FBXO36: variants seen among roughly 807,000 people sequenced by gnomAD.
The protein encoded by FBXO36 is F-box protein 36, also known as F-box only protein 36.
A neutral mutation model predicts 17.0 loss-of-function variants in FBXO36; 18 were observed. The observed-to-expected ratio is 1.06, with a 90% CI of 0.73 to 1.57. The LOEUF (loss-of-function observed/expected upper bound fraction) is 1.57, where lower values mean the gene tolerates loss of function less well. FBXO36 is among the 40% of genes most tolerant of loss of function. FBXO36 has a pLI of 0.00. For synonymous variants in FBXO36, 83 were observed against 85.3 expected (o/e 0.97, Z 0.15); for missense variants, 229 against 221.9 (o/e 1.03, Z -0.20).
intron 2 of FBXO36, among the ~76,000 whole-genome samples, chr2:229,981,884 T>C (rs2077242339): frequency 6.6e-6 from 1 of 152,150 alleles, no homozygotes; most frequent in African/African-American, 2.4e-5. Flanking sequence ...ACAGAAAGCA[T>C]AGCAGCTTGT....
chr2:230,002,420 G>A (rs1005980575), intron 3 of FBXO36, among the ~76,000 whole-genome samples: 7 of 140,600 alleles, frequency 5.0e-5, no homozygotes, highest in Admixed American at 3.7e-4. Context: ...GTCTTGCTTT[G>A]TTACACAGTC....
At chr2:229,994,763 G>A (rs1216271722) in intron 2 of FBXO36, among the ~76,000 whole-genome samples, 1 of 152,126 alleles carries the variant, frequency 6.6e-6, no homozygotes, top group Non-Finnish European at 1.5e-5. Flanking sequence ...CCCCAGTTTT[G>A]GGGCCCCTGT....
rs186719754 is a variant in FBXO36, at chr2:229,993,910, C to T, written c.206-2841C>T. ...AGCTGGGACTACAGGCGCCCACCAC[C>T]ACGCCCGGCTAATTTTTTTTTTTTC... On this transcript the variant is annotated intron_variant, in intron 2 of 3. Transcript: ENST00000283946. Among the ~76,000 whole-genome samples the T allele has an allele frequency of 1.2e-3, 187 of 152,030 alleles. 3 individuals carry two copies. In the East Asian group the frequency reaches 0.019, roughly 15 times the overall value.
chr2:229,969,751 C>T (rs1218278142), intron 1 of FBXO36, among the ~76,000 whole-genome samples: 6 of 152,074 alleles, frequency 3.9e-5, no homozygotes, highest in African/African-American at 1.4e-4. Flanking sequence ...AAAACTTTTG[C>T]TCTGTGAAGA....
At chr2:229,981,403 G>A (rs1161639832) in intron 2 of FBXO36, among the ~76,000 whole-genome samples, 2 of 151,230 alleles carry the variant, frequency 1.3e-5, no homozygotes, top group Non-Finnish European at 2.9e-5. Context: ...TTTTGAGACA[G>A]GATCTCACTC....
At chr2:229,950,569 T>G (rs1337597658) in intron 1 of FBXO36, among the ~76,000 whole-genome samples, 4 of 152,152 alleles carry the variant, frequency 2.6e-5, no homozygotes, top group Non-Finnish European at 5.9e-5. Flanking sequence ...TACAACAAAT[T>G]TTATCATAGA....
chr2:229,963,817 A>G (rs1405600745), intron 1 of FBXO36, among the ~76,000 whole-genome samples: 1 of 152,232 alleles, frequency 6.6e-6, no homozygotes, highest in Non-Finnish European at 1.5e-5. Flanking sequence ...GCTGAGTCAC[A>G]GGATGAAAGC....
chr2:229,925,681 C>A (rs989933797), intron 1 of FBXO36, among the ~76,000 whole-genome samples: 4 of 152,096 alleles, frequency 2.6e-5, no homozygotes, highest in Non-Finnish European at 4.4e-5. Context: ...CAAATAACTG[C>A]ACATTTGACA....
In FBXO36 at chr2:230,011,161, A is replaced by G. The variant is rs1488352167; in HGVS notation, c.*277A>G. 1 of 300,430 alleles carries G rather than the reference A, an allele frequency of 3.3e-6. No homozygotes were observed. The highest frequency in any genetic ancestry group is 6.2e-6 in the Non-Finnish European group (1 of 161,906). The allele number at this position is 300,430 out of a possible 1,614,324, so 18.6% of individuals were successfully genotyped here. A position where few individuals can be genotyped will look rare whatever the true frequency, so the allele number is the denominator to read the frequency against. On this transcript the variant is annotated 3_prime_UTR_variant, in exon 4 of 4. Coordinates refer to ENST00000283946, the MANE Select transcript of FBXO36 (RefSeq NM_174899.5). ...TCATCATCCTTATCCCACACCCATT[A>G]TAAAAGAGGTTTCTATTGTATATAA... is the stretch of plus-strand genomic sequence containing the variant.
chr2:229,971,424 C>G (rs932012876), intron 1 of FBXO36, among the ~76,000 whole-genome samples: 1 of 151,810 alleles, frequency 6.6e-6, no homozygotes, highest in African/African-American at 2.4e-5. Context: ...CCCAGCAGAC[C>G]TCTGGTATCT....
At chr2:229,988,736 A>C (rs975934625) in intron 2 of FBXO36, among the ~76,000 whole-genome samples, 2 of 150,760 alleles carry the variant, frequency 1.3e-5, no homozygotes, top group Non-Finnish European at 2.9e-5. Flanking sequence ...GGGTTTCTCC[A>C]TGTTGCTCAG....
At chr2:230,001,690 C>A (rs1428266665) in intron 3 of FBXO36, among the ~76,000 whole-genome samples, 1 of 152,210 alleles carries the variant, frequency 6.6e-6, no homozygotes, top group Non-Finnish European at 1.5e-5. Context: ...TCCAGTCCAG[C>A]TCCTTCCTCT....
At chr2:229,993,087 C>T (rs1021419758) in intron 2 of FBXO36, among the ~76,000 whole-genome samples, 2 of 152,142 alleles carry the variant, frequency 1.3e-5, no homozygotes, top group Non-Finnish European at 2.9e-5. Flanking sequence ...ACTTTCCAAC[C>T]TGACTCTGGC....
chr2:229,972,706 A>T (rs1456639203), intron 1 of FBXO36, among the ~76,000 whole-genome samples: 1 of 152,050 alleles, frequency 6.6e-6, no homozygotes, highest in African/African-American at 2.4e-5. Flanking sequence ...GGTGTGAGCC[A>T]CCACGCCCAG....
intron 3 of FBXO36, 69 bp downstream of exon 3, chr2:229,996,992 G>A: frequency 1.4e-6 from 2 of 1,457,838 alleles, no homozygotes; most frequent in East Asian, 2.3e-5. Flanking sequence ...TTTTAACATA[G>A]CAATCATTTG....
intron 1 of FBXO36, among the ~76,000 whole-genome samples, chr2:229,947,004 T>G (rs1290276087): frequency 6.6e-6 from 1 of 151,946 alleles, no homozygotes; most frequent in Non-Finnish European, 1.5e-5. Flanking sequence ...CCGTCTCTAC[T>G]AAAAATACAA....
intron 1 of FBXO36, among the ~76,000 whole-genome samples, chr2:229,971,869 G>A (rs1560445628): frequency 6.6e-6 from 1 of 151,620 alleles, no homozygotes; most frequent in Non-Finnish European, 1.5e-5. Flanking sequence ...GTAGAGACAG[G>A]GCCTCACTGT....
intron 2 of FBXO36, among the ~76,000 whole-genome samples, chr2:229,977,734 GC>G (rs2077217288): frequency 6.6e-6 from 1 of 152,288 alleles, no homozygotes; most frequent in African/African-American, 2.4e-5. Context: ...ACAGGCGTGA[GC>G]CACTGCACCC....
chr2:229,943,620 A>G (rs2077011513), intron 1 of FBXO36, among the ~76,000 whole-genome samples: 1 of 152,090 alleles, frequency 6.6e-6, no homozygotes, highest in South Asian at 2.1e-4. Flanking sequence ...TGGAAATGTG[A>G]GAGGCTGTCA....
Sources: gnomAD v4.1 joint callset for allele counts (sites outside exome capture counted in the v4.1 genomes callset) on GRCh38, gnomAD v4.1.1 for gene constraint, MANE v1.5 for transcripts, NCBI Gene and HGNC (gene_info 2026-07-23, HGNC 2026-07-21) for gene names.